ZNF618: variants seen among roughly 807,000 people sequenced by gnomAD.
The protein encoded by ZNF618 is neural precursor cell expressed, developmentally down-regulated 10.
ZNF618 carries 34 observed loss-of-function variants against 103.0 expected under a neutral mutation model. The ratio of observed to expected loss-of-function variants is 0.33; its 90% CI spans 0.25 to 0.44. The LOEUF (loss-of-function observed/expected upper bound fraction) is 0.44. Among genes scored for constraint, ZNF618 ranks in the 20% least tolerant of loss-of-function variants. ZNF618 has a pLI of 1.00. For missense variants in ZNF618, 1,059 were observed against 1,295.4 expected, an observed-to-expected ratio of 0.82 and a Z score of 2.80; for synonymous variants, 551 against 542.2, an observed-to-expected ratio of 1.02 and a Z score of -0.23.
intron 3 of ZNF618, among the ~76,000 whole-genome samples, chr9:113,990,234 T>C (rs1258346462): frequency 1.3e-5 from 2 of 152,200 alleles, no homozygotes; most frequent in Non-Finnish European, 1.5e-5. Context: ...TCTACCCTGC[T>C]CCTCAGTTGG....
At chr9:114,042,023 T>C (rs966952676) in intron 13 of ZNF618, among the ~76,000 whole-genome samples, 6 of 152,278 alleles carry the variant, frequency 3.9e-5, no homozygotes, top group African/African-American at 1.4e-4. Context: ...GATTTGTAGT[T>C]CTCCTTGAAG....
intron 1 of ZNF618, among the ~76,000 whole-genome samples, chr9:113,957,127 G>T (rs760206633): frequency 4.6e-5 from 7 of 152,154 alleles, no homozygotes; most frequent in Non-Finnish European, 8.8e-5. Flanking sequence ...AATAAATCCC[G>T]CCGGCCGGAG....
At chr9:114,016,853 G>T in intron 10 of ZNF618, 69 bp downstream of exon 10, 2 of 1,293,668 alleles carry the variant, frequency 1.5e-6, no homozygotes, top group Non-Finnish European at 1.1e-6. Flanking sequence ...CCGTTGGCCA[G>T]GCCTCTGGAA....
chr9:113,994,355 A>G (rs868333714), intron 3 of ZNF618, among the ~76,000 whole-genome samples: 1 of 152,224 alleles, frequency 6.6e-6, no homozygotes, highest in African/African-American at 2.4e-5. Flanking sequence ...AGGGCCTCAC[A>G]CAAGAGCCTG....
At chr9:113,989,634 G>C (rs1049537240) in intron 3 of ZNF618, among the ~76,000 whole-genome samples, 1 of 152,198 alleles carries the variant, frequency 6.6e-6, no homozygotes, top group Non-Finnish European at 1.5e-5. Flanking sequence ...CTGCCTTCCT[G>C]GTCCAGCTCT....
intron 1 of ZNF618, among the ~76,000 whole-genome samples, chr9:113,960,736 T>C (rs1208402293): frequency 2.6e-5 from 4 of 152,200 alleles, no homozygotes; most frequent in African/African-American, 9.7e-5. Context: ...TAGACCTGGT[T>C]TGGGGACGGT....
intron 11 of ZNF618, among the ~76,000 whole-genome samples, chr9:114,029,643 A>T (rs1346144881): frequency 6.6e-6 from 1 of 152,050 alleles, no homozygotes; most frequent in Non-Finnish European, 1.5e-5. Context: ...TTAAAAAAAA[A>T]AGTCATTTCA....
intron 1 of ZNF618, among the ~76,000 whole-genome samples, chr9:113,912,645 A>AAC (rs1257285059): frequency 6.6e-6 from 1 of 152,108 alleles, no homozygotes; most frequent in African/African-American, 2.4e-5. Flanking sequence ...AAATCAGTGG[A>AAC]ACGTGATGAG....
chr9:113,933,630 C>T (rs1429508851), intron 1 of ZNF618, among the ~76,000 whole-genome samples: 1 of 152,082 alleles, frequency 6.6e-6, no homozygotes, highest in Non-Finnish European at 1.5e-5. Flanking sequence ...AATTGTTGGG[C>T]TGTACTAAGG....
Position 114,008,359 on chromosome 9 carries a change from G to A in ZNF618, c.656G>A (p.Gly219Glu). Residue 219 changes from glycine to glutamate, a missense_variant, in exon 8 of 15, where the codon GGG (glycine) becomes GAG (glutamate). Coordinates refer to ENST00000374126, the MANE Select transcript of ZNF618 (RefSeq NM_001318042.2). ...CCGGGCGCAGTGTTTAGTGTGGAAG[G>A]GGCCCCTGAGAACCGGGCAGGTAAG... is the stretch of plus-strand genomic sequence containing the variant. Reference protein sequence around the residue: ...LHAVDVFSVEGAPENRADPFD... With the variant: ...LHAVDVFSVEEAPENRADPFD... 6.2e-7 allele frequency: 1 copy of A among 1,613,902 alleles called. No homozygotes were observed. The highest frequency in any genetic ancestry group is 8.5e-7 in the Non-Finnish European group (1 of 1,179,876).
At chr9:114,001,784 G>T (rs1218904721) in intron 4 of ZNF618, among the ~76,000 whole-genome samples, 1 of 152,134 alleles carries the variant, frequency 6.6e-6, no homozygotes. Context: ...GAGATGGGGG[G>T]GTGCCTTGCC....
chr9:113,986,090 C>T (rs1172172536), intron 2 of ZNF618, among the ~76,000 whole-genome samples: 1 of 152,220 alleles, frequency 6.6e-6, no homozygotes, highest in Non-Finnish European at 1.5e-5. Context: ...GAAGCTCTAA[C>T]AGTGTGTCAT....
intron 1 of ZNF618, among the ~76,000 whole-genome samples, chr9:113,891,176 CTT>C (rs1256543311): frequency 6.6e-6 from 1 of 152,146 alleles, no homozygotes; most frequent in South Asian, 2.1e-4. Context: ...TTTAAAAAGA[CTT>C]CTCCATATTA....
chr9:113,965,189 T>G (rs1177516754), intron 1 of ZNF618, among the ~76,000 whole-genome samples: 1 of 152,134 alleles, frequency 6.6e-6, no homozygotes, highest in Non-Finnish European at 1.5e-5. Context: ...TTTATCGAAA[T>G]CGTTGGCCAG....
At chr9:114,018,819 G>A (rs370656987) in intron 10 of ZNF618, among the ~76,000 whole-genome samples, 34 of 152,278 alleles carry the variant, frequency 2.2e-4, no homozygotes, top group African/African-American at 8.2e-4. Context: ...ACTGAAGTCT[G>A]GGGACTCAGG....
chr9:114,036,608 G>C (rs1041964072), intron 13 of ZNF618, among the ~76,000 whole-genome samples: 1 of 152,256 alleles, frequency 6.6e-6, no homozygotes, highest in South Asian at 2.1e-4. Context: ...GTGGGAACAC[G>C]GAGAGGTGGG....
intron 13 of ZNF618, among the ~76,000 whole-genome samples, chr9:114,043,417 G>T (rs528061314): frequency 3.5e-4 from 54 of 152,276 alleles, no homozygotes; most frequent in Non-Finnish European, 7.2e-4. Flanking sequence ...CTTGGTAATA[G>T]CCATCCTAGT....
At chr9:113,982,251 A>T (rs1242724361) in intron 2 of ZNF618, among the ~76,000 whole-genome samples, 1 of 152,228 alleles carries the variant, frequency 6.6e-6, no homozygotes, top group African/African-American at 2.4e-5. Flanking sequence ...AGCAGTTTAT[A>T]CACTCCTTGG....
At position 114,054,782 on chromosome 9, in the gene ZNF618, CCT is replaced by C. The variant is rs1846357659; in HGVS notation, c.*4621_*4622del. 2 of 152,714 alleles carry C rather than the reference CCT, an allele frequency of 1.3e-5. No individual in the cohort carries two copies. The highest frequency in any genetic ancestry group is 2.9e-5 in the Non-Finnish European group (2 of 68,134). The allele number at this position is 152,714 out of a possible 1,614,324, so 9.5% of individuals were successfully genotyped here. A position where few individuals can be genotyped will look rare whatever the true frequency, so the allele number is the denominator to read the frequency against. ...TTTTGTTGTAGTAGTTGCTTTTCTT[CCT>C]CTCTCATTTGGGTTTGAGGATTGTG... is the stretch of plus-strand genomic sequence containing the variant. On this transcript the variant is annotated 3_prime_UTR_variant, in exon 15 of 15. Transcript: ENST00000374126.
Sources: allele counts gnomAD v4.1 joint callset (sites outside exome capture counted in the v4.1 genomes callset), GRCh38; gene constraint gnomAD v4.1.1; transcripts MANE v1.5; gene names NCBI Gene and HGNC (gene_info 2026-07-23, HGNC 2026-07-21).